PPP2R2A: variants seen among roughly 807,000 people sequenced by gnomAD.
The protein encoded by PPP2R2A is serine/threonine-protein phosphatase 2A 55 kDa regulatory subunit B alpha isoform.
A neutral mutation model predicts 53.2 loss-of-function variants in PPP2R2A; 9 were observed. The ratio of observed to expected loss-of-function variants is 0.17; its 90% CI spans 0.10 to 0.30. The LOEUF (loss-of-function observed/expected upper bound fraction) is 0.30. Among genes scored for constraint, PPP2R2A ranks in the 10% least tolerant of loss-of-function variants. The pLI, the probability that PPP2R2A is intolerant of heterozygous loss-of-function variation, is 1.00. For synonymous variants in PPP2R2A, 169 were observed against 174.2 expected (o/e 0.97, Z 0.23); for missense variants, 235 against 534.6 (o/e 0.44, Z 5.53).
At chr8:26,328,172 C>A (rs1438435112) in intron 2 of PPP2R2A, among the ~76,000 whole-genome samples, 1 of 152,148 alleles carries the variant, frequency 6.6e-6, no homozygotes, top group African/African-American at 2.4e-5. Flanking sequence ...ATCTATTATT[C>A]CAGGATAGAC....
intron 2 of PPP2R2A, among the ~76,000 whole-genome samples, chr8:26,302,028 A>G (rs1365944463): frequency 6.6e-6 from 1 of 152,224 alleles, no homozygotes; most frequent in Non-Finnish European, 1.5e-5. Context: ...TGCATGACAG[A>G]ATGGAAGGTA....
intron 2 of PPP2R2A, among the ~76,000 whole-genome samples, chr8:26,327,040 A>G (rs1446347953): frequency 6.6e-6 from 1 of 152,184 alleles, no homozygotes; most frequent in Non-Finnish European, 1.5e-5. Flanking sequence ...TGGTTCCAGG[A>G]CACATCTCTG....
intron 1 of PPP2R2A, among the ~76,000 whole-genome samples, chr8:26,292,774 T>G (rs960508578): frequency 6.6e-6 from 1 of 152,228 alleles, no homozygotes; most frequent in Admixed American, 6.5e-5. Flanking sequence ...AGATTTAGAT[T>G]CAGTTTCTTT....
In PPP2R2A at chr8:26,313,124, C is replaced by G. The variant is rs141745650; in HGVS notation, c.82+19384C>G. Among the ~76,000 whole-genome samples, 145 of 151,568 alleles carry G rather than the reference C, an allele frequency of 9.6e-4. 1 individual carries two copies. The highest frequency in any genetic ancestry group is 3.3e-3 in the African/African-American group (137 of 41,312). On this transcript the variant is annotated intron_variant, in intron 2 of 9. Coordinates refer to ENST00000380737, the MANE Select transcript of PPP2R2A (RefSeq NM_002717.4). Reference sequence around the variant, plus strand: ...TCTTGGCTCACTGCAGCCTCCACCTCTTGGATTCAAGTGATTCTCCTGCCT... The same window carrying G: ...TCTTGGCTCACTGCAGCCTCCACCTGTTGGATTCAAGTGATTCTCCTGCCT...
chr8:26,325,875 C>T (rs2117281776), intron 2 of PPP2R2A, among the ~76,000 whole-genome samples: 1 of 152,078 alleles, frequency 6.6e-6, no homozygotes, highest in South Asian at 2.1e-4. Context: ...ACCCTGTCAC[C>T]CAGGCTGGAG....
At chr8:26,305,510 A>T (rs1255828634) in intron 2 of PPP2R2A, among the ~76,000 whole-genome samples, 3 of 152,114 alleles carry the variant, frequency 2.0e-5, no homozygotes, top group Admixed American at 1.3e-4. Context: ...TTGAGTCTAC[A>T]TCTCTGATTT....
At chr8:26,291,978 G>A in intron 1 of PPP2R2A, 152 bp downstream of exon 1, 1 of 1,197,992 alleles carries the variant, frequency 8.3e-7, no homozygotes, top group Non-Finnish European at 1.1e-6. Context: ...GGTGGGGGCG[G>A]GGAGGGCTCC....
At chr8:26,302,426 A>G (rs1357033732) in intron 2 of PPP2R2A, among the ~76,000 whole-genome samples, 1 of 152,234 alleles carries the variant, frequency 6.6e-6, no homozygotes, top group Admixed American at 6.5e-5. Flanking sequence ...GAAGATCTGT[A>G]TAACTCAGTA....
At chr8:26,365,918 AG>A (rs1185478231) in intron 8 of PPP2R2A, 1 of 156,444 alleles carries the variant, frequency 6.4e-6, no homozygotes, top group Admixed American at 6.5e-5. Flanking sequence ...AGAAAGAAAT[AG>A]GCACAGTTTC....
chr8:26,348,577 T>C (rs368910447), intron 3 of PPP2R2A, among the ~76,000 whole-genome samples: 1 of 152,332 alleles, frequency 6.6e-6, no homozygotes, highest in South Asian at 2.1e-4. Flanking sequence ...TATGTAAATA[T>C]TCCAAAATAT....
At chr8:26,330,810 A>G (rs1346448104) in intron 2 of PPP2R2A, among the ~76,000 whole-genome samples, 2 of 152,130 alleles carry the variant, frequency 1.3e-5, no homozygotes, top group East Asian at 1.9e-4. Flanking sequence ...GACAGTGTGA[A>G]TTTACATTGT....
chr8:26,327,284 G>A (rs1803139429), intron 2 of PPP2R2A, among the ~76,000 whole-genome samples: 1 of 152,162 alleles, frequency 6.6e-6, no homozygotes, highest in Non-Finnish European at 1.5e-5. Flanking sequence ...GGGAACATTT[G>A]CCCCTCCATG....
At chr8:26,311,839 G>C (rs925286786) in intron 2 of PPP2R2A, among the ~76,000 whole-genome samples, 25 of 151,806 alleles carry the variant, frequency 1.6e-4, no homozygotes, top group African/African-American at 6.1e-4. Flanking sequence ...GGGTGGGGTG[G>C]GGTGCACCTA....
intron 9 of PPP2R2A, among the ~76,000 whole-genome samples, chr8:26,367,140 G>A (rs1172617791): frequency 6.6e-6 from 1 of 152,142 alleles, no homozygotes; most frequent in East Asian, 1.9e-4. Flanking sequence ...ATGGTGTTGT[G>A]TGTTACAGAG....
rs971677652 is a variant in PPP2R2A, at chr8:26,354,283, C to G, written c.181-185C>G. ...TTTATTCAGCTTTATTTAGCCTTTT[C>G]CCCCGTTAAGTTTTCTCATTTAATC... On this transcript the variant is annotated intron_variant, in intron 3 of 9. Coordinates refer to ENST00000380737, the MANE Select transcript of PPP2R2A (RefSeq NM_002717.4). The surrounding 1 kb of genome is among the most constrained non-coding windows in gnomAD (Gnocchi z 4.6). 8.1e-6 allele frequency: 3 copies of G among 369,086 alleles called. No individual in the cohort carries two copies. The highest frequency in any genetic ancestry group is 1.1e-4 in the South Asian group (1 of 8,842). 22.9% of individuals were successfully genotyped at this position (369,086 alleles called of 1,614,324 possible).
chr8:26,349,308 T>C (rs1052034824), intron 3 of PPP2R2A, among the ~76,000 whole-genome samples: 1 of 152,198 alleles, frequency 6.6e-6, no homozygotes, highest in Non-Finnish European at 1.5e-5. Context: ...TATCACTTTG[T>C]AATGTTTAGT....
intron 2 of PPP2R2A, among the ~76,000 whole-genome samples, chr8:26,323,775 A>G (rs959591406): frequency 6.6e-6 from 1 of 152,024 alleles, no homozygotes; most frequent in Non-Finnish European, 1.5e-5. Flanking sequence ...AAGCCCTCCA[A>G]ACTCCGTGGA....
At position 26,361,163 on chromosome 8, in the gene PPP2R2A, G is replaced by T; in HGVS notation, c.637+12G>T. ...AGACAGGAGTTTTAGTATCCATTTG[G>T]TTTTCTTTGGTGTTTGGTGAAGAAG... On this transcript the variant is annotated intron_variant, in intron 6 of 9. Coordinates refer to ENST00000380737, the MANE Select transcript of PPP2R2A (RefSeq NM_002717.4). 1 of 1,568,362 alleles carries T rather than the reference G, an allele frequency of 6.4e-7. No individual in the cohort carries two copies.
chr8:26,317,419 A>T (rs2117254948), intron 2 of PPP2R2A, among the ~76,000 whole-genome samples: 1 of 152,290 alleles, frequency 6.6e-6, no homozygotes, highest in Non-Finnish European at 1.5e-5. Context: ...GTATGAGGAA[A>T]TCCTGATTTT....
Sources: gnomAD v4.1 joint callset for allele counts (sites outside exome capture counted in the v4.1 genomes callset) on GRCh38, gnomAD v4.1.1 for gene constraint, Gnocchi (gnomAD v3.1) non-coding constraint, MANE v1.5 for transcripts, NCBI Gene and HGNC (gene_info 2026-07-23, HGNC 2026-07-21) for gene names.